FRMD5: variants seen among roughly 807,000 people sequenced by gnomAD.
The protein encoded by FRMD5 is FERM domain containing 5, also known as FERM domain-containing protein 5.
In FRMD5, 20 loss-of-function variants were observed where a neutral mutation model predicts 69.0. The observed-to-expected ratio is 0.29, with a 90% confidence interval of 0.20 to 0.42. The LOEUF (loss-of-function observed/expected upper bound fraction) is 0.42, where lower values mean the gene tolerates loss of function less well. Among genes scored for constraint, FRMD5 ranks in the 10% least tolerant of loss-of-function variants. The pLI, the probability that FRMD5 is intolerant of heterozygous loss-of-function variation, is 1.00. For missense variants in FRMD5, 595 were observed against 708.6 expected (o/e 0.84, Z 1.82); for synonymous variants, 271 against 260.1 (o/e 1.04, Z -0.40).
rs2555377 is a variant in FRMD5 at position 44,156,148 on chromosome 15, A to G, written c.102+38805T>C. ...AATAGTGAAAAATAAAAAATGACAT[A>G]TAATTTTTTTTTTGAGACAGAGTCT... On this transcript the variant is annotated intron_variant, in intron 1 of 13. Transcript: ENST00000417257. Among the ~76,000 whole-genome samples the G allele has an allele frequency of 7.1e-3, 1,080 of 151,894 alleles. 12 individuals are homozygous for G. Among genetic ancestry groups the G allele is most frequent in the African/African-American group, 0.024 (1,004 of 41,450 alleles).
chr15:43,960,440 G>A (rs372173744), intron 1 of FRMD5, among the ~76,000 whole-genome samples: 4 of 152,194 alleles, frequency 2.6e-5, no homozygotes, highest in South Asian at 2.1e-4. Flanking sequence ...TAGTAGAGAC[G>A]GGGTTTCACT....
chr15:44,184,659 C>T (rs1262627255), intron 1 of FRMD5, among the ~76,000 whole-genome samples: 1 of 151,834 alleles, frequency 6.6e-6, no homozygotes, highest in Non-Finnish European at 1.5e-5. Context: ...AAATGAGAGG[C>T]TAATAGTATA....
At chr15:44,084,764 G>T (rs1894128219) in intron 1 of FRMD5, among the ~76,000 whole-genome samples, 1 of 151,868 alleles carries the variant, frequency 6.6e-6, no homozygotes, top group Non-Finnish European at 1.5e-5. Context: ...TCTCAAATTT[G>T]TTTTTTAAAA....
chr15:43,985,058 A>C lies in FRMD5; in HGVS notation c.103-60749T>G, dbSNP rs182072899. On this transcript the variant is annotated intron_variant, in intron 1 of 13. Transcript: ENST00000417257. ...CACTTTGGGAGGCCAAGGCAGGCAG[A>C]TCACGAGGTCAGGAGATCAAGACCA... Among the ~76,000 whole-genome samples the C allele has an allele frequency of 9.4e-3, 1,427 of 151,918 alleles. 10 individuals carry two copies. Among genetic ancestry groups the C allele is most frequent in the Middle Eastern group, 0.024 (7 of 294 alleles).
At chr15:44,044,964 T>C (rs1205850790) in intron 1 of FRMD5, among the ~76,000 whole-genome samples, 1 of 152,210 alleles carries the variant, frequency 6.6e-6, no homozygotes, top group East Asian at 1.9e-4. Flanking sequence ...TCTATGTTCA[T>C]TTCCTTTTTA....
chr15:44,004,093 C>G (rs919613681), intron 1 of FRMD5, among the ~76,000 whole-genome samples: 1 of 152,324 alleles, frequency 6.6e-6, no homozygotes, highest in South Asian at 2.1e-4. Flanking sequence ...GATTTTTAAT[C>G]TATAATAGCA....
chr15:43,890,106 G>A (rs544194095), intron 8 of FRMD5, among the ~76,000 whole-genome samples: 1 of 152,236 alleles, frequency 6.6e-6, no homozygotes, highest in East Asian at 1.9e-4. Flanking sequence ...TTCCTTCCCT[G>A]TTTGATTCCC....
intron 13 of FRMD5, among the ~76,000 whole-genome samples, chr15:43,877,158 G>A (rs2088385471): frequency 6.6e-6 from 1 of 152,302 alleles, no homozygotes; most frequent in East Asian, 1.9e-4. Flanking sequence ...TGATGCTGGT[G>A]TGGTTCTCTC....
chr15:43,888,308 G>T, intron 9 of FRMD5, 42 bp from the exon 10 acceptor site: 2 of 1,395,714 alleles, frequency 1.4e-6, no homozygotes, highest in Non-Finnish European at 2.0e-6. Context: ...TGTGGATGGA[G>T]AAGCAAAGGG....
intron 1 of FRMD5, among the ~76,000 whole-genome samples, chr15:44,096,939 C>T (rs1199806893): frequency 1.3e-5 from 2 of 152,064 alleles, no homozygotes; most frequent in African/African-American, 2.4e-5. Flanking sequence ...CATATCTCAC[C>T]CTTATTGATG....
intron 1 of FRMD5, among the ~76,000 whole-genome samples, chr15:43,948,472 A>G (rs545019383): frequency 1.4e-3 from 220 of 152,252 alleles, no homozygotes; most frequent in African/African-American, 4.9e-3. Flanking sequence ...ATCTGTTTGG[A>G]TTTTTGACAT....
At chr15:44,172,510 C>T (rs929621814) in intron 1 of FRMD5, among the ~76,000 whole-genome samples, 1 of 152,086 alleles carries the variant, frequency 6.6e-6, no homozygotes, top group Non-Finnish European at 1.5e-5. Flanking sequence ...ATTATAAACA[C>T]ATCAGTCAGT....
At chr15:44,007,526 G>A (rs1890504883) in intron 1 of FRMD5, among the ~76,000 whole-genome samples, 1 of 151,664 alleles carries the variant, frequency 6.6e-6, no homozygotes, top group South Asian at 2.1e-4. Context: ...GATCAAAATG[G>A]ACATTAACAT....
At chr15:43,908,750 A>G (rs180780785) in intron 5 of FRMD5, among the ~76,000 whole-genome samples, 1 of 152,304 alleles carries the variant, frequency 6.6e-6, no homozygotes, top group East Asian at 1.9e-4. Context: ...GTTTTGCAAA[A>G]AAACCCAGTC....
intron 1 of FRMD5, among the ~76,000 whole-genome samples, chr15:44,032,096 C>T (rs139481701): frequency 4.5e-4 from 68 of 152,116 alleles, no homozygotes; most frequent in African/African-American, 8.2e-4. Context: ...AAACAAGCAA[C>T]GGGGAAAAAG....
intron 1 of FRMD5, among the ~76,000 whole-genome samples, chr15:44,179,823 G>C (rs2140559720): frequency 6.6e-6 from 1 of 152,272 alleles, no homozygotes; most frequent in African/African-American, 2.4e-5. Flanking sequence ...AAGATAATCA[G>C]TGCCAGGCAT....
intron 1 of FRMD5, among the ~76,000 whole-genome samples, chr15:44,166,164 A>G (rs901624306): frequency 4.6e-5 from 7 of 152,160 alleles, no homozygotes; most frequent in African/African-American, 1.7e-4. Context: ...GTTTTTGCTT[A>G]CTAGTGAGGT....
chr15:44,075,843 CTA>C (rs1206253966), intron 1 of FRMD5, among the ~76,000 whole-genome samples: 2 of 152,132 alleles, frequency 1.3e-5, no homozygotes, highest in Non-Finnish European at 2.9e-5. Context: ...ATGAAAAGCT[CTA>C]TGATTGCCAT....
intron 1 of FRMD5, among the ~76,000 whole-genome samples, chr15:43,978,785 C>T (rs1281000257): frequency 6.6e-6 from 1 of 152,100 alleles, no homozygotes; most frequent in Non-Finnish European, 1.5e-5. Flanking sequence ...CTCCTGACCT[C>T]AGGTGATCCA....
Sources: allele counts gnomAD v4.1 joint callset (sites outside exome capture counted in the v4.1 genomes callset), GRCh38; gene constraint gnomAD v4.1.1; transcripts MANE v1.5; gene names NCBI Gene and HGNC (gene_info 2026-07-23, HGNC 2026-07-21).